SHB: variants seen among roughly 807,000 people sequenced by gnomAD.
The protein encoded by SHB is SH2 domain containing adaptor protein B.
A neutral mutation model predicts 52.3 loss-of-function variants in SHB; 20 were observed. The ratio of observed to expected loss-of-function variants is 0.38; its 90% CI spans 0.27 to 0.56. The LOEUF (loss-of-function observed/expected upper bound fraction) is 0.56, where lower values mean the gene tolerates loss of function less well. SHB is among the 20% of genes least tolerant of loss of function. The pLI, the probability that SHB is intolerant of heterozygous loss-of-function variation, is 0.71. For synonymous variants in SHB, 397 were observed against 316.5 expected (o/e 1.25, Z -2.70); for missense variants, 825 against 723.3 (o/e 1.14, Z -1.61).
At chr9:38,064,302 G>A (rs1821933384) in intron 1 of SHB, among the ~76,000 whole-genome samples, 1 of 151,918 alleles carries the variant, frequency 6.6e-6, no homozygotes. Context: ...CCCTTCCCTG[G>A]CTCAACAACC....
Position 37,917,711 on chromosome 9 carries a change from G to A in SHB, c.*2110C>T, listed in dbSNP as rs551862324. Among the ~76,000 whole-genome samples, 113 of 152,338 alleles carry A rather than the reference G, an allele frequency of 7.4e-4. No individual in the cohort carries two copies. Among genetic ancestry groups the A allele is most frequent in the Non-Finnish European group, 1.1e-3 (77 of 68,028 alleles). ...ACTCCCCCAAAGGAAAGCACGAATCGTTCCAGGGTGTCCCTGCCTTCCTCC... is the reference window on the plus strand; with the variant it reads ...ACTCCCCCAAAGGAAAGCACGAATCATTCCAGGGTGTCCCTGCCTTCCTCC... On this transcript the variant is annotated 3_prime_UTR_variant, in exon 6 of 6. Transcript: ENST00000377707.
intron 4 of SHB, 61 bp downstream of exon 4, chr9:37,955,822 A>G (rs1587210740): frequency 2.0e-6 from 3 of 1,519,306 alleles, no homozygotes; most frequent in East Asian, 4.6e-5. Flanking sequence ...ATGACATGAA[A>G]GAGAGGGCAA....
chr9:37,976,886 C>T (rs779426689), intron 2 of SHB, among the ~76,000 whole-genome samples: 13 of 152,174 alleles, frequency 8.5e-5, no homozygotes, highest in Non-Finnish European at 1.5e-4. Context: ...TCAGCCCTTC[C>T]GAGAAAGAGA....
rs1822018492 is a variant in SHB, at chr9:38,068,954, G to T, written c.-309C>A. 1 of 151,632 alleles carries T rather than the reference G, an allele frequency of 6.6e-6. No homozygotes were observed. Among genetic ancestry groups the T allele is most frequent in the African/African-American group, 2.4e-5 (1 of 41,326 alleles). The allele number at this position is 151,632 out of a possible 1,614,324, so 9.4% of individuals were successfully genotyped here. On this transcript the variant is annotated 5_prime_UTR_variant, in exon 1 of 6. Transcript: ENST00000377707. ...AGAGCGGAAGGTCCGAGCGCTCCAC[G>T]CCGCGGACCCTTTGGCCGTACGCCC... is the stretch of plus-strand genomic sequence containing the variant.
At chr9:38,054,240 G>T (rs1821784651) in intron 1 of SHB, among the ~76,000 whole-genome samples, 1 of 152,222 alleles carries the variant, frequency 6.6e-6, no homozygotes, top group Admixed American at 6.5e-5. Context: ...GGGCTCCTGT[G>T]GTGTATGACC....
chr9:37,963,045 T>C (rs1321674860), intron 3 of SHB, among the ~76,000 whole-genome samples: 1 of 152,214 alleles, frequency 6.6e-6, no homozygotes, highest in African/African-American at 2.4e-5. Context: ...GCTTTGGGAC[T>C]GCAGCCCTGG....
rs1471741211 is a variant in SHB at position 37,969,381 on chromosome 9, TC to T, written c.1054+5240del. Among the ~76,000 whole-genome samples the T allele has an allele frequency of 2.0e-5, 3 of 152,254 alleles. No homozygotes were observed. The East Asian group carries it at 5.8e-4, about 29-fold the overall frequency. ...TATCTGTAAAAGGAGGAAACTAACCTCCCAGAGGGTGATTATGAGGATTGAA... is the reference window on the plus strand; with the variant it reads ...TATCTGTAAAAGGAGGAAACTAACCTCCAGAGGGTGATTATGAGGATTGAA... On this transcript the variant is annotated intron_variant, in intron 3 of 5. Transcript: ENST00000377707.
chr9:37,941,140 G>A (rs781388304), intron 5 of SHB, among the ~76,000 whole-genome samples: 5 of 152,136 alleles, frequency 3.3e-5, no homozygotes, highest in East Asian at 1.9e-4. Flanking sequence ...ACCCATCATC[G>A]TAAAGGACAG....
chr9:38,065,903 C>T (rs1355694283), intron 1 of SHB, among the ~76,000 whole-genome samples: 1 of 151,968 alleles, frequency 6.6e-6, no homozygotes, highest in Non-Finnish European at 1.5e-5. Context: ...ATGGTGACCA[C>T]CCCTCCCTCA....
At chr9:38,026,070 A>C (rs1388579248) in intron 1 of SHB, among the ~76,000 whole-genome samples, 1 of 152,246 alleles carries the variant, frequency 6.6e-6, no homozygotes, top group Non-Finnish European at 1.5e-5. Flanking sequence ...AGGAAGGATC[A>C]GGAATGCCCG....
chr9:37,925,102 A>C (rs979354642), intron 5 of SHB, among the ~76,000 whole-genome samples: 8 of 152,210 alleles, frequency 5.3e-5, no homozygotes, highest in Non-Finnish European at 1.0e-4. Flanking sequence ...CAGCTGGGGC[A>C]CTGTGCCCAT....
chr9:38,060,157 G>A (rs1331878989), intron 1 of SHB, among the ~76,000 whole-genome samples: 1 of 152,084 alleles, frequency 6.6e-6, no homozygotes, highest in African/African-American at 2.4e-5. Flanking sequence ...GCCACTTACT[G>A]GCTGTCTGAC....
intron 2 of SHB, among the ~76,000 whole-genome samples, chr9:37,994,011 A>G (rs1259483152): frequency 6.6e-6 from 1 of 152,244 alleles, no homozygotes; most frequent in East Asian, 1.9e-4. Context: ...GGGAGACCCC[A>G]GACAGCACCC....
chr9:38,063,795 GTTTTT>G (rs5897715), intron 1 of SHB, among the ~76,000 whole-genome samples: 1 of 129,882 alleles, frequency 7.7e-6, no homozygotes, highest in Admixed American at 7.7e-5. Context: ...TTTGCTGGAT[GTTTTT>G]TTTTTTTTTT....
intron 2 of SHB, among the ~76,000 whole-genome samples, chr9:37,987,433 T>C (rs1173085968): frequency 6.6e-6 from 1 of 152,114 alleles, no homozygotes; most frequent in Non-Finnish European, 1.5e-5. Flanking sequence ...TGCAGCTATC[T>C]ACAGTGCCTT....
intron 5 of SHB, among the ~76,000 whole-genome samples, chr9:37,939,602 T>C (rs1832413694): frequency 6.6e-6 from 1 of 152,126 alleles, no homozygotes; most frequent in South Asian, 2.1e-4. Flanking sequence ...GGCACAGGGC[T>C]CATGGTCACA....
At chr9:38,004,852 C>T (rs1381810986) in intron 2 of SHB, among the ~76,000 whole-genome samples, 3 of 152,262 alleles carry the variant, frequency 2.0e-5, no homozygotes, top group Non-Finnish European at 4.4e-5. Flanking sequence ...ACAGGATACA[C>T]ACTGCCCCAT....
chr9:38,012,509 C>T lies in SHB; in HGVS notation c.838+3502G>A, dbSNP rs117104318. Among the ~76,000 whole-genome samples, 595 of 152,206 alleles carry T rather than the reference C, an allele frequency of 3.9e-3. 3 individuals are homozygous for T. Among genetic ancestry groups the T allele is most frequent in the Non-Finnish European group, 6.3e-3 (427 of 68,024 alleles). On this transcript the variant is annotated intron_variant, in intron 2 of 5. Transcript: ENST00000377707. ...GCTGCCTCCCCGTTGTTGTTATCAC[C>T]GGCCCCTCATTCCATATGTAAGTAA...
chr9:37,961,399 A>G (rs945513450), intron 3 of SHB, among the ~76,000 whole-genome samples: 11 of 152,184 alleles, frequency 7.2e-5, no homozygotes, highest in African/African-American at 2.7e-4. Flanking sequence ...AGCTGGCCAG[A>G]GAGTAAACTC....
Sources: allele counts gnomAD v4.1 joint callset (sites outside exome capture counted in the v4.1 genomes callset), GRCh38; gene constraint gnomAD v4.1.1; transcripts MANE v1.5; gene names NCBI Gene and HGNC (gene_info 2026-07-23, HGNC 2026-07-21).